The following KCTD1 variants were observed in gnomAD, a reference collection of about 807,000 sequenced individuals.
The protein encoded by KCTD1 is BTB/POZ domain-containing protein KCTD1.
A neutral mutation model predicts 66.0 loss-of-function variants in KCTD1; 24 were observed. The observed-to-expected ratio is 0.36, with a 90% CI of 0.26 to 0.51. The LOEUF is 0.51. KCTD1 is among the 20% of genes least tolerant of loss of function. The pLI is 0.95. For missense variants in KCTD1, 943 were observed against 1,205.2 expected (o/e 0.78, Z 3.22); for synonymous variants, 511 against 517.2 (o/e 0.99, Z 0.16).
intron 3 of KCTD1, among the ~76,000 whole-genome samples, chr18:26,465,213 A>G (rs1404442426): frequency 1.3e-5 from 2 of 152,136 alleles, no homozygotes; most frequent in Non-Finnish European, 2.9e-5. Context: ...CCTCCAGAGT[A>G]GCTGGGACTA....
upstream of KCTD1, chr18:26,548,744 T>C: frequency 9.4e-7 from 1 of 1,061,644 alleles, no homozygotes; most frequent in Non-Finnish European, 1.2e-6. Context: ...GGGGGACAAG[T>C]TAGACCGGAG....
chr18:26,491,607 C>A (rs755598835), intron 2 of KCTD1, among the ~76,000 whole-genome samples: 1 of 152,188 alleles, frequency 6.6e-6, no homozygotes, highest in Non-Finnish European at 1.5e-5. Context: ...TCATGATACA[C>A]ACAGAAAATG....
chr18:26,530,223 T>G (rs143796762), intron 1 of KCTD1, among the ~76,000 whole-genome samples: 18 of 152,334 alleles, frequency 1.2e-4, no homozygotes, highest in Non-Finnish European at 2.2e-4. Flanking sequence ...CCCTAAGAAC[T>G]TCAATTTTGC....
intron 1 of KCTD1, among the ~76,000 whole-genome samples, chr18:26,521,993 A>G (rs965936212): frequency 5.3e-5 from 8 of 152,222 alleles, no homozygotes; most frequent in African/African-American, 1.9e-4. Flanking sequence ...TGGAAAAAAA[A>G]AGTAGTTCTA....
At chr18:26,647,461 G>A (rs1048822339) in intron 1 of KCTD1, among the ~76,000 whole-genome samples, 4 of 141,414 alleles carry the variant, frequency 2.8e-5, no homozygotes, top group Middle Eastern at 3.8e-3. Context: ...CGGAGGTTGC[G>A]GTGAGCCGAG....
In KCTD1 at chr18:26,530,577, A is replaced by G. The variant is rs184738489; in HGVS notation, c.1809+16151T>C. On this transcript the variant is annotated intron_variant, in intron 1 of 4. Coordinates refer to ENST00000580059, the MANE Select transcript of KCTD1 (RefSeq NM_001142730.3). Reference sequence around the variant, plus strand: ...ACTAGGACAGCAGTATTACCATCACAACCACAGTTAATTTGGCTGATGATT... The same window carrying G: ...ACTAGGACAGCAGTATTACCATCACGACCACAGTTAATTTGGCTGATGATT... 8.5e-5 allele frequency among the ~76,000 whole-genome samples: 13 copies of G among 152,350 alleles called. No individual in the cohort carries two copies. In the East Asian group the frequency reaches 1.7e-3, roughly 20 times the overall value.
At chr18:26,572,587 C>A (rs1986134478) in intron 1 of KCTD1, among the ~76,000 whole-genome samples, 1 of 152,154 alleles carries the variant, frequency 6.6e-6, no homozygotes, top group African/African-American at 2.4e-5. Flanking sequence ...TTAAATCAAT[C>A]AGTGTGTGGG....
At chr18:26,494,683 G>A (rs1041789638) in intron 2 of KCTD1, among the ~76,000 whole-genome samples, 11 of 152,136 alleles carry the variant, frequency 7.2e-5, no homozygotes, top group African/African-American at 2.7e-4. Context: ...TGGAAAAGCA[G>A]TATTGTAAGA....
intron 1 of KCTD1, among the ~76,000 whole-genome samples, chr18:26,535,120 T>TGGGGGGGGGGGGGGGGG (rs374295043): frequency 7.8e-6 from 1 of 128,206 alleles, no homozygotes; most frequent in Non-Finnish European, 1.6e-5. Context: ...GGGGTGGGGG[T>TGGGGGGGGGGGGGGGGG]GGAGCTGCCA....
At chr18:26,559,106 G>A (rs1448570181) in intron 1 of KCTD1, among the ~76,000 whole-genome samples, 2 of 152,112 alleles carry the variant, frequency 1.3e-5, no homozygotes, top group African/African-American at 4.8e-5. Flanking sequence ...ACTGGGAAGG[G>A]TAGTGGGGTG....
chr18:26,511,741 T>C (rs1233986530), intron 1 of KCTD1, among the ~76,000 whole-genome samples: 1 of 152,218 alleles, frequency 6.6e-6, no homozygotes, highest in South Asian at 2.1e-4. Flanking sequence ...CACTCTCTTA[T>C]TACTAGGCTA....
intron 1 of KCTD1, among the ~76,000 whole-genome samples, chr18:26,569,806 G>A (rs1986061696): frequency 6.6e-6 from 1 of 152,158 alleles, no homozygotes; most frequent in Non-Finnish European, 1.5e-5. Flanking sequence ...AAGACACACA[G>A]CTTATAAAGC....
intron 1 of KCTD1, among the ~76,000 whole-genome samples, chr18:26,624,707 G>A (rs1003247960): frequency 3.3e-5 from 5 of 152,332 alleles, no homozygotes; most frequent in Middle Eastern, 6.8e-3. Context: ...ATGTGGGGTC[G>A]AGCCCCTACG....
chr18:26,642,994 G>A (rs372791111), upstream of KCTD1, among the ~76,000 whole-genome samples: 3 of 152,286 alleles, frequency 2.0e-5, no homozygotes, highest in Non-Finnish European at 1.5e-5. Flanking sequence ...GTTCTGTTTT[G>A]TGTTGAAGGA....
intron 1 of KCTD1, among the ~76,000 whole-genome samples, chr18:26,562,264 T>C (rs1985875576): frequency 6.6e-6 from 1 of 152,104 alleles, no homozygotes. Context: ...GTTTTTGAGA[T>C]AGGGCTACCC....
At position 26,583,088 on chromosome 18, in the gene KCTD1, T is replaced by C. The variant is rs1291348205; in HGVS notation, c.-16+46059A>G. Among the ~76,000 whole-genome samples, 8 of 151,554 alleles carry C rather than the reference T, an allele frequency of 5.3e-5. No individual in the cohort carries two copies. In the East Asian group the frequency reaches 9.7e-4, roughly 18 times the overall value. On this transcript the variant is annotated intron_variant, in intron 1 of 4. Coordinates refer to the KCTD1 transcript ENST00000317932. ...AGATGGTAATTTAAAAAAAATATGA[T>C]GGAGATAAAAGAGAGCAAAAGTAGG... is the stretch of plus-strand genomic sequence containing the variant.
In KCTD1 at chr18:26,455,632, C is replaced by T. The variant is rs1222085310; in HGVS notation, c.*111G>A. 1.8e-5 allele frequency: 25 copies of T among 1,372,848 alleles called. No individual in the cohort carries two copies. In the African/African-American group the frequency reaches 2.3e-4, roughly 13 times the overall value. 85.0% of individuals were successfully genotyped at this position (1,372,848 alleles called of 1,614,324 possible). On this transcript the variant is annotated 3_prime_UTR_variant, in exon 5 of 5. Coordinates refer to ENST00000580059, the MANE Select transcript of KCTD1 (RefSeq NM_001142730.3). ...ATTGGATATAAATGTGTCTTTTATT[C>T]GATTTTACGTCCAGGACTTGGTTTG... is the stretch of plus-strand genomic sequence containing the variant.
upstream of KCTD1, among the ~76,000 whole-genome samples, chr18:26,629,525 T>C (rs1405943924): frequency 6.6e-6 from 1 of 152,126 alleles, no homozygotes; most frequent in Non-Finnish European, 1.5e-5. Context: ...GTGATAGAAA[T>C]GTCAAGGTTT....
chr18:26,622,126 C>T (rs1987398836), intron 1 of KCTD1, among the ~76,000 whole-genome samples: 1 of 152,066 alleles, frequency 6.6e-6, no homozygotes, highest in Admixed American at 6.5e-5. Context: ...ATTTCTCAAT[C>T]CAATACAACT....
Sources: allele counts gnomAD v4.1 joint callset (sites outside exome capture counted in the v4.1 genomes callset), GRCh38; gene constraint gnomAD v4.1.1; transcripts MANE v1.5; gene names NCBI Gene and HGNC (gene_info 2026-07-23, HGNC 2026-07-21).